The following VAC14 variants were observed in gnomAD, a reference collection of about 807,000 sequenced individuals.
The protein encoded by VAC14 is protein VAC14 homolog.
VAC14 carries 47 observed loss-of-function variants against 85.3 expected under a neutral mutation model. The ratio of observed to expected loss-of-function variants is 0.55; its 90% confidence interval spans 0.44 to 0.70. VAC14 has a LOEUF of 0.70. Among genes scored for constraint, VAC14 ranks in the 30% least tolerant of loss-of-function variants. The pLI, the probability that VAC14 is intolerant of heterozygous loss-of-function variation, is 0.00. For synonymous variants in VAC14, 447 were observed against 430.5 expected (o/e 1.04, Z -0.47); for missense variants, 861 against 1,004.3 (o/e 0.86, Z 1.93).
At chr16:70,733,444 T>C (rs572232099) in intron 13 of VAC14, among the ~76,000 whole-genome samples, 19 of 152,072 alleles carry the variant, frequency 1.2e-4, no homozygotes, top group African/African-American at 3.6e-4. Flanking sequence ...GGTGATACTA[T>C]AGTTTGATTA....
At chr16:70,688,214 C>T in intron 18 of VAC14, 124 bp from the exon 19 acceptor site, 2 of 1,327,082 alleles carry the variant, frequency 1.5e-6, no homozygotes, top group Non-Finnish European at 9.7e-7. Flanking sequence ...GCGTCTGTCT[C>T]AGGCCTGGCA....
intron 14 of VAC14, among the ~76,000 whole-genome samples, chr16:70,726,964 C>G (rs570624734): frequency 9.2e-5 from 14 of 152,294 alleles, no homozygotes; most frequent in African/African-American, 3.4e-4. Flanking sequence ...CATGGAGGTG[C>G]GGCCTGGGAA....
chr16:70,785,313 G>A lies in VAC14; in HGVS notation c.423+389C>T, dbSNP rs576605770. Among the ~76,000 whole-genome samples, 3 of 152,354 alleles carry A rather than the reference G, an allele frequency of 2.0e-5. No individual in the cohort carries two copies. The East Asian group carries it at 5.8e-4, about 29-fold the overall frequency. ...TCCACCAGGCTGCAAGAGGCACGGA[G>A]GAGAGCATGAGCTTTTTCTAGGGCA... is the stretch of plus-strand genomic sequence containing the variant. On this transcript the variant is annotated intron_variant, in intron 3 of 18. Coordinates refer to ENST00000261776, the MANE Select transcript of VAC14 (RefSeq NM_018052.5).
Position 70,698,787 on chromosome 16 carries a change from C to T in VAC14, c.1686G>A (p.Ala562=), listed in dbSNP as rs751990445. The part of the protein sequence containing the change: ...IIRQLCLLLN[A]ENIFHSMADI... ...CTGCCATTGAGTGGAAGATGTTCTC[C>T]GCATTCAGCAGGAGGCACAGCTGCC... The change falls in exon 15 of 19, where the codon GCG becomes GCA. Residue 562 remains alanine (A), a synonymous_variant. Coordinates refer to ENST00000261776, the MANE Select transcript of VAC14 (RefSeq NM_018052.5). The T allele has an allele frequency of 1.3e-5, 21 of 1,614,064 alleles. No homozygotes were observed. The highest frequency in any genetic ancestry group is 5.3e-5 in the African/African-American group (4 of 75,064).
At chr16:70,779,683 T>G (rs1194373956) in intron 9 of VAC14, among the ~76,000 whole-genome samples, 3 of 152,108 alleles carry the variant, frequency 2.0e-5, no homozygotes, top group African/African-American at 7.3e-5. Flanking sequence ...ATATCTCAGT[T>G]TACTCTGGCT....
chr16:70,781,028 T>C, intron 8 of VAC14, 89 bp from the exon 9 acceptor site: 2 of 1,554,124 alleles, frequency 1.3e-6, no homozygotes, highest in Non-Finnish European at 1.7e-6. Context: ...GTGTTGGAGG[T>C]GGGGCCTGGT....
chr16:70,772,026 G>T, intron 10 of VAC14, 83 bp downstream of exon 10: 1 of 1,319,968 alleles, frequency 7.6e-7, no homozygotes, highest in Non-Finnish European at 1.1e-6. Flanking sequence ...TTTGCCTTGG[G>T]TCATTGCTGT....
intron 1 of VAC14, among the ~76,000 whole-genome samples, chr16:70,795,726 G>T (rs1178057812): frequency 6.6e-6 from 1 of 152,210 alleles, no homozygotes; most frequent in African/African-American, 2.4e-5. Context: ...CTCTCAGGGG[G>T]CATGGCCTGG....
chr16:70,705,975 G>C (rs1268315622), intron 14 of VAC14, among the ~76,000 whole-genome samples: 19 of 152,168 alleles, frequency 1.2e-4, no homozygotes, highest in Admixed American at 1.2e-3. Context: ...ATACAGGAAG[G>C]TCTCCTCCTA....
chr16:70,780,840 GC>G lies in VAC14; in HGVS notation c.1045del (p.Ala349GlnfsTer45). ...LDELRPGQRQAEPTPDDALPK... is the reference protein window; with the variant it reads ...LDELRPGQRQXEPTPDDALPK... ...CAGGGCATCGTCAGGGGTGGGCTCT[GC>G]CTGCCTCTGCCCAGGTCTCAGCTCA... On this transcript the variant is annotated frameshift_variant, in exon 9 of 19. Transcript: ENST00000261776. LOFTEE classifies it high-confidence loss of function. 1 of 1,613,456 alleles carries G rather than the reference GC, an allele frequency of 6.2e-7. No individual in the cohort carries two copies. Among genetic ancestry groups the G allele is most frequent in the Non-Finnish European group, 8.5e-7 (1 of 1,179,606 alleles).
rs995349700 is a variant in VAC14 at position 70,801,060 on chromosome 16, G to C, written c.-160C>G. 4.1e-6 allele frequency: 2 copies of C among 493,108 alleles called. No individual in the cohort carries two copies. Among genetic ancestry groups the C allele is most frequent in the Non-Finnish European group, 7.0e-6 (2 of 286,904 alleles). The allele number at this position is 493,108 out of a possible 1,614,324, so 30.5% of individuals were successfully genotyped here. A position where few individuals can be genotyped will look rare whatever the true frequency, so the allele number is the denominator to read the frequency against. ...GCTCCGCCGCCTCGCCCTGGAACCCGGGCCCGGACCCCGCTCCAGCACACC... is the reference window on the plus strand; with the variant it reads ...GCTCCGCCGCCTCGCCCTGGAACCCCGGCCCGGACCCCGCTCCAGCACACC... On this transcript the variant is annotated 5_prime_UTR_variant, in exon 1 of 19. Coordinates refer to ENST00000261776, the MANE Select transcript of VAC14 (RefSeq NM_018052.5).
chr16:70,753,319 C>T (rs1433451344), intron 12 of VAC14, among the ~76,000 whole-genome samples: 1 of 152,122 alleles, frequency 6.6e-6, no homozygotes, highest in Non-Finnish European at 1.5e-5. Context: ...CACCTGGGCT[C>T]ACCCAGGCTC....
intron 13 of VAC14, among the ~76,000 whole-genome samples, chr16:70,738,635 C>A (rs907900180): frequency 3.3e-5 from 5 of 152,146 alleles, no homozygotes; most frequent in African/African-American, 1.2e-4. Context: ...CAAGGGAGGG[C>A]CTGGCAGCAC....
chr16:70,722,189 C>T (rs2054310596), intron 14 of VAC14, among the ~76,000 whole-genome samples: 1 of 152,244 alleles, frequency 6.6e-6, no homozygotes. Flanking sequence ...CCACTCAGAT[C>T]CCAAGAGCCG....
chr16:70,780,248 G>C (rs898989179), intron 9 of VAC14, among the ~76,000 whole-genome samples: 3 of 152,016 alleles, frequency 2.0e-5, no homozygotes, highest in African/African-American at 7.2e-5. Context: ...CTTTTTAAAG[G>C]CACTTATTTG....
At chr16:70,688,296 C>G (rs1285805049) in intron 18 of VAC14, 1 of 1,218,722 alleles carries the variant, frequency 8.2e-7, no homozygotes, top group African/African-American at 1.6e-5. Context: ...TTGGTGGGAA[C>G]AGCTAACACT....
intron 10 of VAC14, chr16:70,766,475 A>AGG (rs2032823684): frequency 2.2e-6 from 1 of 456,664 alleles, no homozygotes; most frequent in Non-Finnish European, 4.4e-6. Context: ...CTGAAGGTAT[A>AGG]GGGCATCTTC....
chr16:70,711,797 C>T (rs573290730), intron 14 of VAC14, among the ~76,000 whole-genome samples: 1 of 152,208 alleles, frequency 6.6e-6, no homozygotes, highest in East Asian at 1.9e-4. Flanking sequence ...AGATGGCTTT[C>T]TCTAGGCTTT....
At position 70,717,577 on chromosome 16, in the gene VAC14, C is replaced by G. The variant is rs1597877174; in HGVS notation, c.1661+13918G>C. Reference sequence around the variant, plus strand: ...TGTGCCGTCCAGAGTCCTGACTGCACAGAACTGGACAAGAGCTAGTTGCTG... The same window carrying G: ...TGTGCCGTCCAGAGTCCTGACTGCAGAGAACTGGACAAGAGCTAGTTGCTG... On this transcript the variant is annotated intron_variant, in intron 14 of 18. Transcript: ENST00000261776. 2.0e-5 allele frequency among the ~76,000 whole-genome samples: 3 copies of G among 152,310 alleles called. No individual in the cohort carries two copies. In the South Asian group the frequency reaches 6.2e-4, roughly 32 times the overall value.
Sources: allele counts gnomAD v4.1 joint callset (sites outside exome capture counted in the v4.1 genomes callset), GRCh38; gene constraint gnomAD v4.1.1; transcripts MANE v1.5; gene names NCBI Gene and HGNC (gene_info 2026-07-23, HGNC 2026-07-21).